Variants in REC8 observed in about 807,000 individuals in gnomAD.
REC8 encodes meiotic recombination protein REC8 homolog.
In REC8, 42 loss-of-function variants were observed where a neutral mutation model predicts 78.3. The ratio of observed to expected loss-of-function variants is 0.54; its 90% CI spans 0.42 to 0.69. The LOEUF (loss-of-function observed/expected upper bound fraction) is 0.69, where lower values mean the gene tolerates loss of function less well. Among genes scored for constraint, REC8 ranks in the 30% least tolerant of loss-of-function variants. REC8 has a pLI of 0.00. For missense variants in REC8, 581 were observed against 715.8 expected, an observed-to-expected ratio of 0.81 and a Z score of 2.15; for synonymous variants, 268 against 274.1, an observed-to-expected ratio of 0.98 and a Z score of 0.22.
intron 5 of REC8, 125 bp downstream of exon 5, chr14:24,173,536 AG>A: frequency 6.6e-7 from 1 of 1,524,234 alleles, no homozygotes; most frequent in Non-Finnish European, 8.8e-7. Flanking sequence ...GAGATGGTGC[AG>A]GGGGACTGCC....
rs2038709622 is a variant in REC8 at position 24,172,490 on chromosome 14, A to G, written c.-63A>G. ...AGGTGTTGGGAATTCTGTGCCCTAA[A>G]GAATTCCGACTCAGATCCGAACGGG... On this transcript the variant is annotated 5_prime_UTR_variant, in exon 1 of 19. Coordinates refer to ENST00000611366, the MANE Select transcript of REC8 (RefSeq NM_001048205.2). 2.0e-6 allele frequency: 3 copies of G among 1,537,934 alleles called. No individual in the cohort carries two copies. The highest frequency in any genetic ancestry group is 2.7e-5 in the African/African-American group (2 of 73,178).
At chr14:24,178,304 C>A in intron 12 of REC8, 82 bp downstream of exon 12, 1 of 1,268,934 alleles carries the variant, frequency 7.9e-7, no homozygotes, top group East Asian at 2.3e-5. Context: ...CTTCCAAACT[C>A]CTCAGGTGGG....
chr14:24,172,588 C>A lies in REC8; in HGVS notation c.36C>A (p.Thr12=). 5.6e-6 allele frequency: 9 copies of A among 1,613,344 alleles called. No homozygotes were observed. The highest frequency in any genetic ancestry group is 6.8e-6 in the Non-Finnish European group (8 of 1,179,456). The change falls in exon 1 of 19, where the codon ACC becomes ACA. Residue 12 remains threonine, a synonymous_variant. Coordinates refer to ENST00000611366, the MANE Select transcript of REC8 (RefSeq NM_001048205.2). ...ATCCCAACGTGCTTCAGCGCCACACCGGCTGCTTTGCCACCATCTGGTAAG... is the reference window on the plus strand; with the variant it reads ...ATCCCAACGTGCTTCAGCGCCACACAGGCTGCTTTGCCACCATCTGGTAAG... ...FYYPNVLQRH[T]GCFATIWLAA... is the part of the protein sequence containing the mutation.
At chr14:24,178,978 G>T in intron 14 of REC8, 62 bp downstream of exon 14, 1 of 1,602,744 alleles carries the variant, frequency 6.2e-7, no homozygotes, top group Non-Finnish European at 8.5e-7. Context: ...CCAGCTGGCT[G>T]CCCTCTCCTG....
At chr14:24,175,413 G>A in intron 5 of REC8, 130 bp from the exon 6 acceptor site, 1 of 720,726 alleles carries the variant, frequency 1.4e-6, no homozygotes, top group Non-Finnish European at 2.4e-6. Flanking sequence ...TTTACTGCAA[G>A]CTGATGTCAA....
At chr14:24,179,927 G>A (rs372833258) in intron 18 of REC8, 21 bp downstream of exon 18, 54 of 1,614,014 alleles carry the variant, frequency 3.3e-5, no homozygotes, top group Middle Eastern at 1.6e-4. Context: ...GCATGTGTGT[G>A]TGTGTATGTG....
chr14:24,179,060 T>A (rs2039040133), intron 14 of REC8, 25 bp from the exon 15 acceptor site: 1 of 1,608,968 alleles, frequency 6.2e-7, no homozygotes, highest in Non-Finnish European at 8.5e-7. Flanking sequence ...GCTTGGGGTC[T>A]TAGTTCTACT....
chr14:24,179,053 T>TG (rs2039039542), intron 14 of REC8, 32 bp from the exon 15 acceptor site: 2 of 1,609,132 alleles, frequency 1.2e-6, no homozygotes, highest in African/African-American at 1.3e-5. Flanking sequence ...CCCAGATGCT[T>TG]GGGGTCTTAG....
intron 2 of REC8, 50 bp downstream of exon 2, chr14:24,172,831 G>T (rs763760543): frequency 2.5e-6 from 4 of 1,613,812 alleles, no homozygotes; most frequent in African/African-American, 2.7e-5. Context: ...GTGAGTTAGG[G>T]GATGGGGTGG....
rs2038699932 is a variant in REC8, at chr14:24,172,225, G to A, written c.-328G>A. Reference sequence around the variant, plus strand: ...TCCCTCGGGACCTGCTCTGGATTCCGGCCCGGACGTCCCCTTGGAGCTCTG... The same window carrying A: ...TCCCTCGGGACCTGCTCTGGATTCCAGCCCGGACGTCCCCTTGGAGCTCTG... On this transcript the variant is annotated 5_prime_UTR_variant, in exon 1 of 19. Coordinates refer to ENST00000611366, the MANE Select transcript of REC8 (RefSeq NM_001048205.2). 5.4e-6 allele frequency: 2 copies of A among 368,936 alleles called. No individual in the cohort carries two copies. The highest frequency in any genetic ancestry group is 9.9e-6 in the Non-Finnish European group (2 of 201,664). 22.9% of individuals were successfully genotyped at this position (368,936 alleles called of 1,614,324 possible).
downstream of REC8, chr14:24,180,269 C>G (rs919340715): frequency 6.5e-7 from 1 of 1,539,158 alleles, no homozygotes; most frequent in Non-Finnish European, 8.8e-7. Context: ...GATGTCATGA[C>G]TCATTTGTAA....
chr14:24,180,778 G>T, downstream of REC8: 1 of 1,611,538 alleles, frequency 6.2e-7, no homozygotes, highest in South Asian at 1.1e-5. Context: ...AAGAGTGGCT[G>T]ACTCAGGGCA....
intron 4 of REC8, 24 bp from the exon 5 acceptor site, chr14:24,173,267 T>C (rs1353558634): frequency 3.7e-6 from 6 of 1,614,026 alleles, no homozygotes; most frequent in East Asian, 4.5e-5. Context: ...GCCTCAGTCC[T>C]TCACGGCCTA....
intron 5 of REC8, among the ~76,000 whole-genome samples, chr14:24,174,502 T>A (rs369122913): frequency 2.0e-5 from 3 of 152,122 alleles, no homozygotes; most frequent in African/African-American, 7.2e-5. Flanking sequence ...GGTCTTGAAC[T>A]CCTGATCTCA....
chr14:24,177,220 A>G lies in REC8; in HGVS notation c.704A>G (p.Glu235Gly). 1.2e-6 allele frequency: 2 copies of G among 1,614,058 alleles called. No individual in the cohort carries two copies. The highest frequency in any genetic ancestry group is 1.7e-6 in the Non-Finnish European group (2 of 1,179,964). The change falls in exon 8 of 19, where the codon GAA (glutamate) becomes GGA (glycine). Residue 235 changes from glutamate to glycine, a missense_variant and splice_region_variant. Transcript: ENST00000611366. Reference protein sequence around the residue: ...IAEEEEAILLEIPRLPPPAPA... With the variant: ...IAEEEEAILLGIPRLPPPAPA... ...GAGGAAGAAGAAGCTATCTTGTTAGAAAGTAGGTGTCTCCGGCAGCGTAGG... is the reference window on the plus strand; with the variant it reads ...GAGGAAGAAGAAGCTATCTTGTTAGGAAGTAGGTGTCTCCGGCAGCGTAGG...
At position 24,180,029 on chromosome 14, in the gene REC8, T is replaced by C; in HGVS notation, c.1578T>C (p.Ile526=). The change falls in exon 19 of 19, where the codon ATT becomes ATC. Residue 526 remains isoleucine (I), a synonymous_variant. Transcript: ENST00000611366. ...GACCAGTGCTCTCAGCGCAACAGAT[T>C]CTTCACGTGAAACAAGAAAAGCCAT... ...YLLLVLSAQQ[I]LHVKQEKPYG... 6.2e-7 allele frequency: 1 copy of C among 1,613,962 alleles called. No individual in the cohort carries two copies. Among genetic ancestry groups the C allele is most frequent in the Non-Finnish European group, 8.5e-7 (1 of 1,180,002 alleles).
In REC8 at chr14:24,178,892, G is replaced by T; in HGVS notation, c.1179G>T (p.Lys393Asn). The change falls in exon 14 of 19, where the codon AAG becomes AAT. Residue 393 changes from lysine to asparagine, a missense_variant. Transcript: ENST00000611366. The part of the protein sequence containing the change: ...EEAAAEEERR[K>N]IEVPSEIEVP... ...CAGCCGCTGAGGAGGAAAGGAGAAA[G>T]ATTGAAGTTCCAAGTGAGATTGAGG... 1 of 1,613,434 alleles carries T rather than the reference G, an allele frequency of 6.2e-7. No individual in the cohort carries two copies. The highest frequency in any genetic ancestry group is 8.5e-7 in the Non-Finnish European group (1 of 1,179,992).
At chr14:24,177,677 T>C (rs1398631647) in intron 10 of REC8, 32 bp from the exon 11 acceptor site, 1 of 1,602,012 alleles carries the variant, frequency 6.2e-7, no homozygotes. Flanking sequence ...GTAAGGGGCT[T>C]ATGGGACAGA....
rs1451735247 is a variant in REC8, at chr14:24,178,681, G to A, written c.1063+9G>A. 12 of 1,614,000 alleles carry A rather than the reference G, an allele frequency of 7.4e-6. No individual in the cohort carries two copies. The highest frequency in any genetic ancestry group is 1.3e-5 in the African/African-American group (1 of 75,006). ...CAGAACCCCAACTCTCTGTAAGAAT[G>A]GTGGGGGTTGGGCACGAAGTATCCT... On this transcript the variant is annotated intron_variant, in intron 13 of 18. Coordinates refer to ENST00000611366, the MANE Select transcript of REC8 (RefSeq NM_001048205.2).
Sources: gnomAD v4.1 joint callset for allele counts (sites outside exome capture counted in the v4.1 genomes callset) on GRCh38, gnomAD v4.1.1 for gene constraint, MANE v1.5 for transcripts, NCBI Gene and HGNC (gene_info 2026-07-23, HGNC 2026-07-21) for gene names.